PLCB2: variants seen among roughly 807,000 people sequenced by gnomAD.
PLCB2 encodes the protein phospholipase C beta 2.
Under a neutral mutation model 141.7 loss-of-function variants are expected in PLCB2, and 115 were observed. That is an observed-to-expected ratio of 0.81 (90% CI 0.70 to 0.95). The LOEUF is 0.95. Ranked by LOEUF, PLCB2 falls within the 40% of genes least tolerant of loss-of-function variation. The pLI, the probability that PLCB2 is intolerant of heterozygous loss-of-function variation, is 0.00. For missense variants in PLCB2, 1,403 were observed against 1,541.1 expected, an observed-to-expected ratio of 0.91 and a Z score of 1.50; for synonymous variants, 603 against 595.6, an observed-to-expected ratio of 1.01 and a Z score of -0.18.
At chr15:40,300,187 T>A (rs1302152267) in intron 7 of PLCB2, among the ~76,000 whole-genome samples, 1 of 152,172 alleles carries the variant, frequency 6.6e-6, no homozygotes, top group Non-Finnish European at 1.5e-5. Context: ...TGGTGGCACA[T>A]GCTTGTAATC....
chr15:40,302,573 G>T lies in PLCB2; in HGVS notation c.268C>A (p.Pro90Thr). ...GTCTTCAGCAGGAAACTGTTATCAG[G>T]AAAGTCCATGTTGAAGACGTCCCGG... is the stretch of plus-strand genomic sequence containing the variant. ...KLRDVFNMDF[P>T]DNSFLLKTLT... The change falls in exon 4 of 32, where the codon CCT (proline) becomes ACT (threonine). Residue 90 changes from proline (P) to threonine (T), a missense_variant. Pro to Thr is a conservative substitution (Grantham distance 38). Coordinates refer to ENST00000260402, the MANE Select transcript of PLCB2 (RefSeq NM_004573.3). 1 of 1,614,222 alleles carries T rather than the reference G, an allele frequency of 6.2e-7. No homozygotes were observed.
chr15:40,289,927 A>AAGAG lies in PLCB2; in HGVS notation c.3267+94_3267+97dup, dbSNP rs58167971. On this transcript the variant is annotated intron_variant, in intron 30 of 31. Coordinates refer to ENST00000260402, the MANE Select transcript of PLCB2 (RefSeq NM_004573.3). Reference sequence around the variant, plus strand: ...CTGGGGCCACCCCTTCCTACTTGTGAAGAGAGAGAGAGAGAGAGAGAGAGA... The same window carrying AAGAG: ...CTGGGGCCACCCCTTCCTACTTGTGAAGAGAGAGAGAGAGAGAGAGAGAGAGAGA... The AAGAG allele has an allele frequency of 7.6e-4, 414 of 544,324 alleles. 1 individual carries two copies. The African/African-American group carries it at 9.2e-3, about 12-fold the overall frequency. The allele number at this position is 544,324 out of a possible 1,614,324, so 33.7% of individuals were successfully genotyped here.
Position 40,288,779 on chromosome 15 carries a change from G to T in PLCB2, c.3494C>A (p.Pro1165His). Residue 1165 changes from proline (P) to histidine (H), a missense_variant, in exon 32 of 32, where the codon CCC becomes CAC. Transcript: ENST00000260402. ...TGGGTCCTGCTCACACAGCTCTGGGGGGCACTCGCAGGCCCTCTCAGGCTT... is the reference window on the plus strand; with the variant it reads ...TGGGTCCTGCTCACACAGCTCTGGGTGGCACTCGCAGGCCCTCTCAGGCTT... ...KDKPERACEC[P>H]PELCEQDPLI... 1 of 1,613,908 alleles carries T rather than the reference G, an allele frequency of 6.2e-7. No individual in the cohort carries two copies. The highest frequency in any genetic ancestry group is 1.1e-5 in the South Asian group (1 of 91,076).
chr15:40,302,292 G>A lies in PLCB2; in HGVS notation c.430C>T (p.Arg144Cys), dbSNP rs867146967. 4 of 1,614,138 alleles carry A rather than the reference G, an allele frequency of 2.5e-6. No individual in the cohort carries two copies. The highest frequency in any genetic ancestry group is 2.7e-5 in the African/African-American group (2 of 75,046). Residue 144 changes from arginine (R) to cysteine (C), a missense_variant, in exon 5 of 32, where the codon CGC becomes TGC. Arg to Cys is a radical substitution (Grantham distance 180). Transcript: ENST00000260402. ...VKHPLTANAS[R>C]STFLDKILVK... ...TACATCTTGTCCAGGAAGGTGCTGC[G>A]GGAGGCGTTGGCCGTCAGCGGATGT... is the stretch of plus-strand genomic sequence containing the variant.
Position 40,307,594 on chromosome 15 carries a change from C to A in PLCB2, c.79G>T (p.Asp27Tyr). Residue 27 changes from aspartate (D) to tyrosine (Y), a missense_variant, in exon 1 of 32, where the codon GAT becomes TAT. Physicochemically the swap from Asp to Tyr is radical, Grantham distance 160. Transcript: ENST00000260402. The stretch of plus-strand genomic sequence containing the variant: ...GAGGCCCCTGCCCCACTTACATCAT[C>A]CCATTTGATGAAGCGCTCCCCTTGG... ...LSQGERFIKWDDETTVASPVI... is the reference protein window; with the variant it reads ...LSQGERFIKWYDETTVASPVI... The A allele has an allele frequency of 6.3e-7, 1 of 1,585,338 alleles. No individual in the cohort carries two copies. The highest frequency in any genetic ancestry group is 1.7e-4 in the Middle Eastern group (1 of 5,998).
At chr15:40,284,822 G>C (rs982032714), downstream of PLCB2, among the ~76,000 whole-genome samples, 2 of 118,504 alleles carry the variant, frequency 1.7e-5, no homozygotes, top group Non-Finnish European at 3.2e-5. Context: ...CCTGGAGACA[G>C]AGTGAGACTC....
intron 17 of PLCB2, 46 bp from the exon 18 acceptor site, chr15:40,295,106 G>A (rs776716047): frequency 3.7e-6 from 6 of 1,609,746 alleles, no homozygotes; most frequent in East Asian, 4.5e-5. Flanking sequence ...TGCACCAGGA[G>A]AACCTAACAG....
downstream of PLCB2, chr15:40,284,536 AAAAG>A (rs760849299): frequency 1.5e-5 from 7 of 455,188 alleles, no homozygotes; most frequent in Middle Eastern, 4.0e-4. Context: ...ATCTGGCTGC[AAAAG>A]AAAGAAGGAA....
chr15:40,289,558 G>C (rs2141027026), intron 30 of PLCB2, 200 bp from the exon 31 acceptor site: 1 of 591,896 alleles, frequency 1.7e-6, no homozygotes, highest in African/African-American at 1.9e-5. Context: ...GCTCATGTGA[G>C]GCACCTGGCA....
intron 21 of PLCB2, 54 bp from the exon 22 acceptor site, chr15:40,292,497 G>A: frequency 2.4e-6 from 3 of 1,265,152 alleles, no homozygotes; most frequent in Admixed American, 3.6e-5. Flanking sequence ...TGCCAGCACT[G>A]TGCACACACA....
chr15:40,293,866 G>T (rs1595648598), intron 19 of PLCB2, 142 bp from the exon 20 acceptor site: 2 of 668,500 alleles, frequency 3.0e-6, no homozygotes, highest in Admixed American at 2.9e-5. Context: ...GCCATGAGTA[G>T]AGAGGCTGTG....
intron 21 of PLCB2, 123 bp downstream of exon 21, chr15:40,292,803 C>T (rs1426512853): frequency 1.5e-6 from 1 of 651,532 alleles, no homozygotes; most frequent in African/African-American, 1.8e-5. Flanking sequence ...CTGTTCTGCC[C>T]TACTCCTTAC....
chr15:40,291,039 G>C lies in PLCB2; in HGVS notation c.3015C>G (p.Arg1005=). The change falls in exon 27 of 32, where the codon CGC becomes CGG. Residue 1005 remains arginine, a synonymous_variant. Coordinates refer to ENST00000260402, the MANE Select transcript of PLCB2 (RefSeq NM_004573.3). The stretch of plus-strand genomic sequence containing the variant: ...CCACCTCGGCCACGTGCTGCTCCTT[G>C]CGCTTCAGAACGCACTCGTACTGCT... ...GEEQYECVLK[R]KEQHVAEQIS... is the part of the protein sequence containing the mutation. 1 of 1,594,240 alleles carries C rather than the reference G, an allele frequency of 6.3e-7. No individual in the cohort carries two copies. The highest frequency in any genetic ancestry group is 8.5e-7 in the Non-Finnish European group (1 of 1,177,890).
Position 40,307,645 on chromosome 15 carries a change from G to A in PLCB2, c.28C>T (p.Pro10Ser), listed in dbSNP as rs780673242. The A allele has an allele frequency of 8.2e-6, 13 of 1,582,060 alleles. No individual in the cohort carries two copies. The highest frequency in any genetic ancestry group is 1.7e-4 in the Middle Eastern group (1 of 5,996). The change falls in exon 1 of 32, where the codon CCC becomes TCC. Residue 10 changes from proline (P) to serine (S), a missense_variant. Physicochemically the swap from Pro to Ser is moderately conservative, Grantham distance 74. Coordinates refer to ENST00000260402, the MANE Select transcript of PLCB2 (RefSeq NM_004573.3). ...CTCAGATAGGCCTTCACCTTGGGGG[G>A]CAGCAGGACAGGGTTGAGCAGAGAC... is the stretch of plus-strand genomic sequence containing the variant. MSLLNPVLL[P>S]PKVKAYLSQG...
In PLCB2 at chr15:40,296,629, C is replaced by G; in HGVS notation, c.1492G>C (p.Ala498Pro). 1 of 1,613,128 alleles carries G rather than the reference C, an allele frequency of 6.2e-7. No homozygotes were observed. Residue 498 changes from alanine (A) to proline (P), a missense_variant, in exon 15 of 32, where the codon GCT becomes CCT. Ala to Pro is a conservative substitution (Grantham distance 27). Around this residue, in one of 4 missense-constraint regions of PLCB2, gnomAD observed 975 missense variants for 1,141.1 expected, o/e 0.85. Transcript: ENST00000260402. ...SAPAGEGTVW[A>P]GEEGTELEEE... ...TCCAGCTCAGTCCCTTCCTCGCCAG[C>G]CCACACTGCCACATACAGCTCTGTC...
Position 40,291,348 on chromosome 15 carries a change from C to G in PLCB2, c.2787G>C (p.Ala929=). The change falls in exon 26 of 32, where the codon GCG becomes GCC. Residue 929 remains alanine, a synonymous_variant. Coordinates refer to ENST00000260402, the MANE Select transcript of PLCB2 (RefSeq NM_004573.3). ...RWEELLQRGA[A]QLAELGPPGV... ...CCGGTGGCCCGAGCTCCGCCAGCTG[C>G]GCCGCGCCCCGCTGCAGCAGCTCCT... The G allele has an allele frequency of 6.6e-7, 1 of 1,524,170 alleles. No homozygotes were observed. The highest frequency in any genetic ancestry group is 8.8e-7 in the Non-Finnish European group (1 of 1,142,592). 94.4% of individuals were successfully genotyped at this position (1,524,170 alleles called of 1,614,324 possible).
chr15:40,290,021 A>C lies in PLCB2; in HGVS notation c.3267+4T>G. 6.4e-7 allele frequency: 1 copy of C among 1,551,722 alleles called. No individual in the cohort carries two copies. On this transcript the variant is annotated splice_donor_region_variant and intron_variant, in intron 30 of 31. Transcript: ENST00000260402. ...TGTTTAGGAAGGACACAGCCCTTACACACCTGCTTGATCACCTGCACTACT... is the reference window on the plus strand; with the variant it reads ...TGTTTAGGAAGGACACAGCCCTTACCCACCTGCTTGATCACCTGCACTACT...
At chr15:40,295,471 G>A (rs564731704) in intron 16 of PLCB2, among the ~76,000 whole-genome samples, 186 bp from the exon 17 acceptor site, 2 of 152,272 alleles carry the variant, frequency 1.3e-5, no homozygotes, top group East Asian at 3.9e-4. Flanking sequence ...CTGCTGGGGT[G>A]AGGGGTGTTC....
chr15:40,296,280 A>G lies in PLCB2; in HGVS notation c.1696+16T>C, dbSNP rs933989197. On this transcript the variant is annotated intron_variant, in intron 16 of 31. Coordinates refer to ENST00000260402, the MANE Select transcript of PLCB2 (RefSeq NM_004573.3). ...CCTTCTTCTTACCCACCCGTAAGTT[A>G]CTCATGCTAACTTACGGGCAGAGAA... 1 of 1,596,374 alleles carries G rather than the reference A, an allele frequency of 6.3e-7. No individual in the cohort carries two copies. The highest frequency in any genetic ancestry group is 1.3e-5 in the African/African-American group (1 of 74,748).
Sources: allele counts gnomAD v4.1 joint callset (sites outside exome capture counted in the v4.1 genomes callset), GRCh38; gene constraint gnomAD v4.1.1; regional missense constraint gnomAD v4.1.1; transcripts MANE v1.5; gene names NCBI Gene and HGNC (gene_info 2026-07-23, HGNC 2026-07-21).